DONSON: variants seen among roughly 807,000 people sequenced by gnomAD.
The protein encoded by DONSON is protein downstream neighbor of Son.
In DONSON, 43 loss-of-function variants were observed where a neutral mutation model predicts 62.1. That is an observed-to-expected ratio of 0.69 (90% CI 0.54 to 0.89). DONSON has a LOEUF of 0.89. DONSON is among the 40% of genes least tolerant of loss of function. The probability of loss-of-function intolerance (pLI) is 0.00; values close to 1 mark genes in which losing one functional copy is unlikely to be tolerated. For synonymous variants in DONSON, 266 were observed against 264.6 expected (o/e 1.01, Z -0.05); for missense variants, 696 against 697.5 (o/e 1.00, Z 0.03).
In DONSON at chr21:33,585,677, CTTTG is replaced by C. The variant is rs201662523; in HGVS notation, c.606+297_606+300del. Among the ~76,000 whole-genome samples, 1,360 of 151,906 alleles carry C rather than the reference CTTTG, an allele frequency of 9.0e-3. 23 individuals carry two copies. Among genetic ancestry groups the C allele is most frequent in the African/African-American group, 0.031 (1,269 of 41,370 alleles). ...CCACCCAATTGCTTTTCACTTCTTT[CTTTG>C]TATTTTCTTTCTCAAAAAGCCTTAG... On this transcript the variant is annotated intron_variant, in intron 3 of 9. Transcript: ENST00000303071.
chr21:33,586,146 C>T lies in DONSON; in HGVS notation c.438G>A (p.Pro146=), dbSNP rs1480622697. The change falls in exon 3 of 10, where the codon CCG becomes CCA. Residue 146 remains proline (P), a synonymous_variant. Transcript: ENST00000303071. ...SHVSFSEPDI[P]SSKSTELPVD... Reference sequence around the variant, plus strand: ...CAGGTAACTCAGTACTTTTTGAGGACGGAATATCAGGCTCGGAGAATGATA... The same window carrying T: ...CAGGTAACTCAGTACTTTTTGAGGATGGAATATCAGGCTCGGAGAATGATA... The T allele has an allele frequency of 5.6e-6, 9 of 1,613,858 alleles. No individual in the cohort carries two copies. Among genetic ancestry groups the T allele is most frequent in the South Asian group, 1.1e-5 (1 of 91,084 alleles).
At chr21:33,578,868 G>T (rs1569074015) in intron 9 of DONSON, among the ~76,000 whole-genome samples, 1 of 152,164 alleles carries the variant, frequency 6.6e-6, no homozygotes, top group African/African-American at 2.4e-5. Context: ...CGGGTGCCGT[G>T]GCTCAAGCCT....
chr21:33,579,136 C>CAA (rs879477732), intron 9 of DONSON, among the ~76,000 whole-genome samples: 5 of 132,710 alleles, frequency 3.8e-5, no homozygotes, highest in Non-Finnish European at 4.9e-5. Context: ...GACTCCATCT[C>CAA]AAAAAAAAAA....
intron 3 of DONSON, 40 bp from the exon 4 acceptor site, chr21:33,584,808 G>A (rs760720137): frequency 1.4e-6 from 2 of 1,414,298 alleles, no homozygotes; most frequent in South Asian, 3.4e-5. Context: ...TTTGCCCATT[G>A]AGAAATAGAG....
chr21:33,578,403 A>G lies in DONSON; in HGVS notation c.1605T>C (p.Pro535=), dbSNP rs2086460485. The G allele has an allele frequency of 6.2e-7, 1 of 1,614,062 alleles. No homozygotes were observed. Among genetic ancestry groups the G allele is most frequent in the Non-Finnish European group, 8.5e-7 (1 of 1,179,960 alleles). ...HKELTNCGLH[P]NTLEQLSQIP... is the part of the protein sequence containing the mutation. ...TTTGACTAAGTTGCTCCAGAGTGTT[A>G]GGGTGCAAACCACAGTTAGTAAGCT... The change falls in exon 10 of 10, where the codon CCT becomes CCC. Residue 535 remains proline (P), a synonymous_variant. Transcript: ENST00000303071.
intron 3 of DONSON, 116 bp downstream of exon 3, chr21:33,585,862 A>G (rs1029133196): frequency 4.0e-5 from 39 of 979,406 alleles, no homozygotes; most frequent in Non-Finnish European, 5.4e-5. Flanking sequence ...CTGTCTTTGT[A>G]TCTTTAAATT....
chr21:33,581,169 T>A (rs2086505715), intron 8 of DONSON, 133 bp downstream of exon 8: 4 of 812,314 alleles, frequency 4.9e-6, no homozygotes, highest in Non-Finnish European at 7.5e-6. Context: ...TTTTGTTTCT[T>A]TTTTTAATGG....
At chr21:33,583,747 C>A in intron 4 of DONSON, 81 bp from the exon 5 acceptor site, 4 of 1,139,584 alleles carry the variant, frequency 3.5e-6, no homozygotes, top group South Asian at 1.7e-5. Flanking sequence ...CAGTTTGATA[C>A]CTGGTTTAAA....
chr21:33,584,389 C>T (rs1259701962), intron 4 of DONSON, among the ~76,000 whole-genome samples: 1 of 150,998 alleles, frequency 6.6e-6, no homozygotes, highest in Non-Finnish European at 1.5e-5. Context: ...TACATTCTAC[C>T]ACAATTGGGT....
rs552034893 is a variant in DONSON, at chr21:33,583,200, CAAAAAAA to C, written c.964+281_964+287del. ...TGGGTGACAGAGCGAGTCTCCATCTCAAAAAAAAAAAAAAAAAAAAAAAAAGAATGAT... is the reference window on the plus strand; with the variant it reads ...TGGGTGACAGAGCGAGTCTCCATCTCAAAAAAAAAAAAAAAAAAGAATGAT... On this transcript the variant is annotated intron_variant, in intron 5 of 9. Transcript: ENST00000303071. Among the ~76,000 whole-genome samples, 109 of 58,926 alleles carry C rather than the reference CAAAAAAA, an allele frequency of 1.8e-3. 1 individual carries two copies. The highest frequency in any genetic ancestry group is 5.7e-3 in the African/African-American group (63 of 11,022). 38.7% of individuals were successfully genotyped at this position (58,926 alleles called of 152,430 possible).
chr21:33,581,607 G>A (rs2086511789), intron 7 of DONSON, 107 bp from the exon 8 acceptor site: 1 of 910,686 alleles, frequency 1.1e-6, no homozygotes, highest in Admixed American at 2.7e-5. Context: ...TAATGAAATG[G>A]AAATCCTCTT....
rs746684601 is a variant in DONSON, at chr21:33,581,387, A to G, written c.1265T>C (p.Val422Ala). 6.2e-7 allele frequency: 1 copy of G among 1,614,204 alleles called. No homozygotes were observed. Among genetic ancestry groups the G allele is most frequent in the East Asian group, 2.2e-5 (1 of 44,880 alleles). The stretch of plus-strand genomic sequence containing the variant: ...TCCTGCCTGTGGACCTGAGGTAGCA[A>G]CTAAACTCTTAGAGTTAATCAAAAA... ...LNFLINSKSL[V>A]ATSGPQAGLP... Residue 422 changes from valine (V) to alanine (A), a missense_variant, in exon 8 of 10, where the codon GTT (valine) becomes GCT (alanine). Physicochemically the swap from Val to Ala is moderately conservative, Grantham distance 64 (BLOSUM62 0). Coordinates refer to ENST00000303071, the MANE Select transcript of DONSON (RefSeq NM_017613.4).
At chr21:33,579,979 G>T (rs2086487007) in intron 8 of DONSON, among the ~76,000 whole-genome samples, 1 of 151,894 alleles carries the variant, frequency 6.6e-6, no homozygotes, top group African/African-American at 2.4e-5. Flanking sequence ...CAGATCACTT[G>T]AGGTCAGGAG....
Position 33,581,972 on chromosome 21 carries a change from G to A in DONSON, c.1130C>T (p.Pro377Leu). ...ATACAGCTTGATAGAAAGTATGTCT[G>A]GCTTTTTAATTTTATCTTGCACACC... Reference protein sequence around the residue: ...EMGVQDKIKKPDILSIKLRKE... With the variant: ...EMGVQDKIKKLDILSIKLRKE... The change falls in exon 7 of 10, where the codon CCA (proline) becomes CTA (leucine). Residue 377 changes from proline (P) to leucine (L), a missense_variant. Coordinates refer to ENST00000303071, the MANE Select transcript of DONSON (RefSeq NM_017613.4). 6.2e-7 allele frequency: 1 copy of A among 1,614,082 alleles called. No homozygotes were observed. Among genetic ancestry groups the A allele is most frequent in the Non-Finnish European group, 8.5e-7 (1 of 1,179,968 alleles).
Position 33,583,598 on chromosome 21 carries a change from G to T in DONSON, c.854C>A (p.Thr285Asn), listed in dbSNP as rs141780331. The change falls in exon 5 of 10, where the codon ACC becomes AAC. Residue 285 changes from threonine to asparagine, a missense_variant. Physicochemically the swap from Thr to Asn is moderately conservative, Grantham distance 65 (BLOSUM62 0). Coordinates refer to ENST00000303071, the MANE Select transcript of DONSON (RefSeq NM_017613.4). The part of the protein sequence containing the change: ...TKLCPYFYVC[T>N]YQFTVLFRAA... Reference sequence around the variant, plus strand: ...TCGGAACAGGACAGTAAACTGATAGGTACAAACGTAGAAATAGGGGCAAAG... The same window carrying T: ...TCGGAACAGGACAGTAAACTGATAGTTACAAACGTAGAAATAGGGGCAAAG... The T allele has an allele frequency of 1.5e-5, 24 of 1,613,296 alleles. No homozygotes were observed. The highest frequency in any genetic ancestry group is 1.9e-5 in the Non-Finnish European group (23 of 1,179,628).
rs201828095 is a variant in DONSON at position 33,581,486 on chromosome 21, T to G, written c.1166A>C (p.His389Pro). ...ILSIKLRKEK[H>P]EVQMDHRPES... ...AGGTCTGTGATCCATTTGTACTTCA[T>G]GTTTCTCTTTACGCCTGAAGATGAC... The change falls in exon 8 of 10, where the codon CAT (histidine) becomes CCT (proline). Residue 389 changes from histidine (H) to proline (P), a missense_variant. Coordinates refer to ENST00000303071, the MANE Select transcript of DONSON (RefSeq NM_017613.4). 6.2e-7 allele frequency: 1 copy of G among 1,613,302 alleles called. No homozygotes were observed. Among genetic ancestry groups the G allele is most frequent in the African/African-American group, 1.3e-5 (1 of 75,044 alleles).
chr21:33,582,755 G>A (rs1012047734), intron 5 of DONSON, among the ~76,000 whole-genome samples: 2 of 152,172 alleles, frequency 1.3e-5, no homozygotes, highest in Non-Finnish European at 1.5e-5. Flanking sequence ...TAGAAACCGG[G>A]CTGCACAGCA....
intron 5 of DONSON, among the ~76,000 whole-genome samples, chr21:33,582,973 G>A (rs893806312): frequency 5.9e-5 from 9 of 151,890 alleles, no homozygotes; most frequent in South Asian, 2.1e-4. Flanking sequence ...AGGCCGAGGC[G>A]GGCGGATCAC....
At position 33,581,940 on chromosome 21, in the gene DONSON, T is replaced by G. The variant is rs766371809; in HGVS notation, c.1151+11A>C. The G allele has an allele frequency of 4.3e-6, 7 of 1,611,536 alleles. No individual in the cohort carries two copies. The African/African-American group carries it at 9.3e-5, about 22-fold the overall frequency. On this transcript the variant is annotated intron_variant, in intron 7 of 9. Transcript: ENST00000303071. ...AAAATTAATTCTAGTTAACAACAACTGAAAGGATACAGCTTGATAGAAAGT... is the reference window on the plus strand; with the variant it reads ...AAAATTAATTCTAGTTAACAACAACGGAAAGGATACAGCTTGATAGAAAGT...
Sources: gnomAD v4.1 joint callset for allele counts (sites outside exome capture counted in the v4.1 genomes callset) on GRCh38, gnomAD v4.1.1 for gene constraint, MANE v1.5 for transcripts, NCBI Gene and HGNC (gene_info 2026-07-23, HGNC 2026-07-21) for gene names.